The following NDP variants were observed in gnomAD, a reference collection of about 807,000 sequenced individuals.
NDP encodes the protein norrin cystine knot growth factor NDP, also known as norrin.
NDP carries 2 observed loss-of-function variants against 8.4 expected under a neutral mutation model. The observed-to-expected ratio is 0.24, with a 90% CI of 0.10 to 0.75. NDP has a LOEUF of 0.75. Among genes scored for constraint, NDP ranks in the 30% least tolerant of loss-of-function variants. The probability of loss-of-function intolerance (pLI) is 0.73; values close to 1 mark genes in which losing one functional copy is unlikely to be tolerated. For missense variants in NDP, 81 were observed against 110.1 expected (o/e 0.74, Z 1.18); for synonymous variants, 55 against 45.6 (o/e 1.21, Z -0.83).
intron 2 of NDP, among the ~76,000 whole-genome samples, chrX:43,955,897 C>T (rs748001815): frequency 3.1e-4 from 35 of 111,934 alleles, no homozygotes; most frequent in African/African-American, 1.1e-3. Context: ...TTTCTAGAAA[C>T]ATTGCTGAGT....
intron 2 of NDP, among the ~76,000 whole-genome samples, 165 bp downstream of exon 2, chrX:43,958,307 G>T (rs1465867512): frequency 8.9e-6 from 1 of 112,634 alleles, no homozygotes; most frequent in Non-Finnish European, 1.9e-5. Context: ...ACAGTGCAAA[G>T]CACGGGGGGA....
chrX:43,955,447 C>A (rs1363543257), intron 2 of NDP, among the ~76,000 whole-genome samples: 12 of 111,983 alleles, frequency 1.1e-4, no homozygotes, highest in Non-Finnish European at 1.9e-5. Context: ...TTCGGCAAGC[C>A]ATGGAGCTGG....
intron 1 of NDP, among the ~76,000 whole-genome samples, chrX:43,970,062 T>G (rs1407249479): frequency 8.9e-6 from 1 of 112,221 alleles, no homozygotes; most frequent in African/African-American, 3.2e-5. Flanking sequence ...GCTTTTATTG[T>G]CCGGGTAAGT....
Position 43,949,925 on chromosome X carries a change from G to T in NDP, c.276C>A (p.Ser92=). The change falls in exon 3 of 3, where the codon TCC becomes TCA. Residue 92 remains serine (S), a synonymous_variant. Coordinates refer to ENST00000642620, the MANE Select transcript of NDP (RefSeq NM_000266.4). The part of the protein sequence containing the change: ...STVLKQPFRS[S]CHCCRPQTSK... Reference sequence around the variant, plus strand: ...AAGTCTGGGGCCGGCAGCAGTGACAGGAGGAACGGAAGGGTTGCTTGAGGA... The same window carrying T: ...AAGTCTGGGGCCGGCAGCAGTGACATGAGGAACGGAAGGGTTGCTTGAGGA... The T allele has an allele frequency of 8.3e-7, 1 of 1,206,521 alleles. No homozygotes were observed. The highest frequency in any genetic ancestry group is 1.1e-6 in the Non-Finnish European group (1 of 893,014).
chrX:43,959,078 T>G (rs1240595754), intron 1 of NDP, among the ~76,000 whole-genome samples: 1 of 112,266 alleles, frequency 8.9e-6, no homozygotes, highest in Non-Finnish European at 1.9e-5. Flanking sequence ...TGGAAGCACA[T>G]GTTGACTTTA....
Position 43,949,946 on chromosome X carries a change from G to A in NDP, c.255C>T (p.Leu85=), listed in dbSNP as rs768396026. The change falls in exon 3 of 3, where the codon CTC becomes CTT. Residue 85 remains leucine (L), a synonymous_variant. Transcript: ENST00000642620. ...SEPLVSFSTV[L]KQPFRSSCHC... ...GACAGGAGGAACGGAAGGGTTGCTT[G>A]AGGACAGTGCTGAACGACACCAAAG... 3.3e-6 allele frequency: 4 copies of A among 1,206,541 alleles called. No individual in the cohort carries two copies.
intron 2 of NDP, among the ~76,000 whole-genome samples, chrX:43,955,953 A>G (rs1306407384): frequency 1.8e-5 from 2 of 112,361 alleles, no homozygotes; most frequent in African/African-American, 3.2e-5. Context: ...CTGAACTTCT[A>G]TGTGATGGCT....
intron 1 of NDP, chrX:43,961,021 C>T (rs2035823348): frequency 8.9e-6 from 1 of 112,232 alleles, no homozygotes; most frequent in Non-Finnish European, 1.9e-5. Flanking sequence ...TTTCCACTTT[C>T]TCCACAGAAA....
chrX:43,957,070 A>T (rs766182820), intron 2 of NDP, among the ~76,000 whole-genome samples: 1 of 111,765 alleles, frequency 8.9e-6, no homozygotes, highest in Admixed American at 9.5e-5. Context: ...TCCTTTTTTT[A>T]AAAAAGAATC....
intron 2 of NDP, among the ~76,000 whole-genome samples, chrX:43,956,707 G>C (rs2035795034): frequency 8.9e-6 from 1 of 111,797 alleles, no homozygotes; most frequent in Admixed American, 9.5e-5. Flanking sequence ...GCTATATTTG[G>C]GATAGTTTGG....
intron 1 of NDP, among the ~76,000 whole-genome samples, chrX:43,964,233 C>G (rs976517994): frequency 6.3e-5 from 7 of 111,537 alleles, no homozygotes; most frequent in African/African-American, 2.0e-4. Context: ...TGTAGCCAAG[C>G]TCAGCAGTGG....
At chrX:43,961,046 G>A (rs1447578349) in intron 1 of NDP, among the ~76,000 whole-genome samples, 2 of 112,215 alleles carry the variant, frequency 1.8e-5, no homozygotes, top group African/African-American at 6.5e-5. Context: ...AAATATAAAG[G>A]GCCCTTAAAG....
In NDP at chrX:43,948,858, C is replaced by T. The variant is rs754072011; in HGVS notation, c.*941G>A. 6 of 112,019 alleles carry T rather than the reference C, an allele frequency of 5.4e-5. No homozygotes were observed. Among genetic ancestry groups the T allele is most frequent in the South Asian group, 3.7e-4 (1 of 2,683 alleles). 9.2% of individuals were successfully genotyped at this position (112,019 alleles called of 1,213,427 possible). A position where few individuals can be genotyped will look rare whatever the true frequency, so the allele number is the denominator to read the frequency against. On this transcript the variant is annotated 3_prime_UTR_variant, in exon 3 of 3. Transcript: ENST00000642620. ...AGGACCAAAACACATTTGAACCAAA[C>T]GTTCAGAAGACAAGCCAGGCCACCA...
In NDP at chrX:43,958,801, T is replaced by C; in HGVS notation, c.-156A>G. 1 of 507,202 alleles carries C rather than the reference T, an allele frequency of 2.0e-6. No individual in the cohort carries two copies. The highest frequency in any genetic ancestry group is 3.7e-5 in the East Asian group (1 of 27,347). The allele number at this position is 507,202 out of a possible 1,213,427, so 41.8% of individuals were successfully genotyped here. A position where few individuals can be genotyped will look rare whatever the true frequency, so the allele number is the denominator to read the frequency against. On this transcript the variant is annotated 5_prime_UTR_variant, in exon 2 of 3. Transcript: ENST00000642620. ...GTCATTGTCCTTTATGTGCTGGAGTTTTGTCTTACTCTTTGCACTTGCAAT... is the reference window on the plus strand; with the variant it reads ...GTCATTGTCCTTTATGTGCTGGAGTCTTGTCTTACTCTTTGCACTTGCAAT...
intron 2 of NDP, among the ~76,000 whole-genome samples, chrX:43,954,042 C>G (rs1229971786): frequency 1.8e-5 from 2 of 112,458 alleles, no homozygotes; most frequent in South Asian, 3.7e-4. Flanking sequence ...CTGTCCCACC[C>G]TAGAAGAGCA....
At chrX:43,956,520 C>T (rs779046780) in intron 2 of NDP, among the ~76,000 whole-genome samples, 4 of 111,263 alleles carry the variant, frequency 3.6e-5, no homozygotes, top group East Asian at 5.6e-4. Flanking sequence ...AAGATCAGCC[C>T]GAGAATGTAA....
At chrX:43,963,582 C>G (rs748348915) in intron 1 of NDP, among the ~76,000 whole-genome samples, 18 of 111,842 alleles carry the variant, frequency 1.6e-4, no homozygotes, top group African/African-American at 4.5e-4. Flanking sequence ...GCAAAAACAT[C>G]AAAGATTTAT....
Position 43,958,686 on chromosome X carries a change from G to A in NDP, c.-41C>T, listed in dbSNP as rs1414129757. On this transcript the variant is annotated 5_prime_UTR_variant, in exon 2 of 3. Transcript: ENST00000642620. ...CTTCTCTAGAAGAACAGCAGAGGGA[G>A]GCAGAGGACAAAAAATTGGAAATGG... 1 of 1,153,975 alleles carries A rather than the reference G, an allele frequency of 8.7e-7. No individual in the cohort carries two copies.
In NDP at chrX:43,958,353, G is replaced by A. The variant is rs749432862; in HGVS notation, c.174+119C>T. ...GCCTCATTCTCCCACAAGCCCTGTG[G>A]GCCAGCCACATCACTTAAGTTTGGG... is the stretch of plus-strand genomic sequence containing the variant. On this transcript the variant is annotated intron_variant, in intron 2 of 2. Transcript: ENST00000642620. 9.1e-6 allele frequency: 8 copies of A among 878,959 alleles called. No homozygotes were observed. In the South Asian group the frequency reaches 1.7e-4, roughly 18 times the overall value. 72.4% of individuals were successfully genotyped at this position (878,959 alleles called of 1,213,427 possible).
Sources: gnomAD v4.1 joint callset for allele counts (sites outside exome capture counted in the v4.1 genomes callset) on GRCh38, gnomAD v4.1.1 for gene constraint, MANE v1.5 for transcripts, NCBI Gene and HGNC (gene_info 2026-07-23, HGNC 2026-07-21) for gene names.